Variants in NRXN3 observed in about 807,000 individuals in gnomAD.
The protein encoded by NRXN3 is neurexin 3.
NRXN3 carries 32 observed loss-of-function variants against 137.6 expected under a neutral mutation model. The ratio of observed to expected loss-of-function variants is 0.23; its 90% CI spans 0.18 to 0.31. The LOEUF (loss-of-function observed/expected upper bound fraction) is 0.31, where lower values mean the gene tolerates loss of function less well. Ranked by LOEUF, NRXN3 falls within the 10% of genes least tolerant of loss-of-function variation. The pLI is 1.00. For synonymous variants in NRXN3, 798 were observed against 784.5 expected (o/e 1.02, Z -0.29); for missense variants, 1,574 against 2,062.5 (o/e 0.76, Z 4.59).
chr14:79,220,499 T>G (rs1190156899), intron 15 of NRXN3, among the ~76,000 whole-genome samples: 1 of 152,152 alleles, frequency 6.6e-6, no homozygotes, highest in Admixed American at 6.6e-5. Flanking sequence ...GGATTCACTC[T>G]TGGTGTTGTA....
In NRXN3 at chr14:78,689,363, T is replaced by C. The variant is rs1252029537; in HGVS notation, c.1222-19854T>C. Among the ~76,000 whole-genome samples the C allele has an allele frequency of 2.6e-5, 4 of 152,300 alleles. No individual in the cohort carries two copies. In the East Asian group the frequency reaches 5.8e-4, roughly 22 times the overall value. On this transcript the variant is annotated intron_variant, in intron 6 of 20. Coordinates refer to ENST00000335750, the MANE Select transcript of NRXN3 (RefSeq NM_001330195.2). Reference sequence around the variant, plus strand: ...TTCAGAGCTATTTTTCATAATTTGGTTAGAACTACTGAGGGGCATTCATTT... The same window carrying C: ...TTCAGAGCTATTTTTCATAATTTGGCTAGAACTACTGAGGGGCATTCATTT...
intron 20 of NRXN3, among the ~76,000 whole-genome samples, chr14:79,824,339 T>C (rs1009174199): frequency 1.3e-5 from 2 of 152,216 alleles, no homozygotes; most frequent in African/African-American, 4.8e-5. Flanking sequence ...AACATTTGAT[T>C]ACCTTTAATC....
intron 15 of NRXN3, among the ~76,000 whole-genome samples, chr14:79,253,640 A>G (rs888768168): frequency 4.6e-5 from 7 of 152,370 alleles, no homozygotes; most frequent in Admixed American, 3.9e-4. Context: ...ACTTACAATC[A>G]TGATGGAAGG....
At chr14:78,205,277 C>G (rs1375009329) in intron 1 of NRXN3, among the ~76,000 whole-genome samples, 2 of 152,216 alleles carry the variant, frequency 1.3e-5, no homozygotes, top group African/African-American at 4.8e-5. Context: ...ATCCCTTTAC[C>G]TACTGATGAG....
Position 78,645,406 on chromosome 14 carries a change from A to T in NRXN3, c.1044A>T (p.Thr348=). 6.3e-7 allele frequency: 1 copy of T among 1,588,472 alleles called. No individual in the cohort carries two copies. The highest frequency in any genetic ancestry group is 8.5e-7 in the Non-Finnish European group (1 of 1,172,394). ...ACGCCTGGCATGATGTCAAAGTGAC[A>T]CGCAACCTCCGGCAGGTAATGGCTG... ...NDNAWHDVKV[T]RNLRQVTISV... is the part of the protein sequence containing the mutation. The change falls in exon 5 of 21, where the codon ACA becomes ACT. Residue 348 remains threonine, a synonymous_variant. Transcript: ENST00000335750.
In NRXN3 at chr14:78,739,060, C is replaced by T. The variant is rs1400263916; in HGVS notation, c.2044+23921C>T. Among the ~76,000 whole-genome samples the T allele has an allele frequency of 2.4e-4, 37 of 152,202 alleles. 1 individual carries two copies. The highest frequency in any genetic ancestry group is 2.3e-3 in the Admixed American group (35 of 15,280). ...TGAACGCCAAGCCTCCACTCTCTTC[C>T]CCAGATCCTATTCTCCGTCATAAGT... On this transcript the variant is annotated intron_variant, in intron 8 of 20. Transcript: ENST00000335750.
chr14:79,594,139 C>A (rs1397519951), intron 16 of NRXN3, among the ~76,000 whole-genome samples: 2 of 152,160 alleles, frequency 1.3e-5, no homozygotes, highest in African/African-American at 4.8e-5. Flanking sequence ...TGTATTCGTA[C>A]CAGTTTTGTT....
chr14:79,141,562 T>C (rs2058787988), intron 15 of NRXN3, among the ~76,000 whole-genome samples: 1 of 152,206 alleles, frequency 6.6e-6, no homozygotes, highest in South Asian at 2.1e-4. Context: ...CTGACTTCTC[T>C]TTGGCTCAGG....
chr14:79,014,160 G>C (rs1026437739), intron 15 of NRXN3, among the ~76,000 whole-genome samples: 2 of 152,088 alleles, frequency 1.3e-5, no homozygotes, highest in African/African-American at 4.8e-5. Flanking sequence ...TTCTTACTTA[G>C]GTAAATTGCG....
chr14:78,851,669 G>A (rs1434789053), intron 10 of NRXN3, among the ~76,000 whole-genome samples: 3 of 152,176 alleles, frequency 2.0e-5, no homozygotes, highest in Non-Finnish European at 4.4e-5. Context: ...TCTGAATCAA[G>A]CTGGGGAGGC....
chr14:78,991,789 T>C (rs990575860), intron 15 of NRXN3, among the ~76,000 whole-genome samples: 1 of 152,222 alleles, frequency 6.6e-6, no homozygotes, highest in Non-Finnish European at 1.5e-5. Context: ...TTACCAAATA[T>C]GATTGCCTGA....
chr14:79,315,864 A>G (rs182218804), intron 15 of NRXN3, among the ~76,000 whole-genome samples: 1 of 152,336 alleles, frequency 6.6e-6, no homozygotes, highest in East Asian at 1.9e-4. Flanking sequence ...ACAAAGCTTT[A>G]TTTCTTAATA....
At chr14:78,827,289 A>G (rs1310641632) in intron 10 of NRXN3, among the ~76,000 whole-genome samples, 1 of 151,540 alleles carries the variant, frequency 6.6e-6, no homozygotes, top group Non-Finnish European at 1.5e-5. Flanking sequence ...AAAAAAATAC[A>G]AAAGAACATT....
intron 15 of NRXN3, among the ~76,000 whole-genome samples, chr14:79,212,867 CTTT>C (rs200773063): frequency 7.0e-6 from 1 of 143,226 alleles, no homozygotes; most frequent in Non-Finnish European, 1.5e-5. Flanking sequence ...CCTTGGAATG[CTTT>C]TTTTTTTTTA....
rs138753714 is a variant in NRXN3, at chr14:79,422,329, G to A, written c.3263-44892G>A. Among the ~76,000 whole-genome samples, 1,269 of 152,146 alleles carry A rather than the reference G, an allele frequency of 8.3e-3. 12 individuals carry two copies. The highest frequency in any genetic ancestry group is 0.029 in the African/African-American group (1,196 of 41,532). On this transcript the variant is annotated intron_variant, in intron 15 of 20. Coordinates refer to ENST00000335750, the MANE Select transcript of NRXN3 (RefSeq NM_001330195.2). ...TCCTCCCTCCTCAGCCTCCCAAAGT[G>A]TAGGATTACAGGCATGAGCCACCAG...
chr14:79,466,877 A>G (rs1243533239), intron 15 of NRXN3, among the ~76,000 whole-genome samples: 1 of 152,182 alleles, frequency 6.6e-6, no homozygotes, highest in African/African-American at 2.4e-5. Flanking sequence ...TGCAAAATTA[A>G]GCCTACTGTT....
chr14:79,125,241 T>C lies in NRXN3; in HGVS notation c.3262+137100T>C, dbSNP rs570960006. ...CCACTATAACTGATCCCTGTCACGT[T>C]CTATCATAATGTCCTTTTGCCATTT... On this transcript the variant is annotated intron_variant, in intron 15 of 20. Coordinates refer to ENST00000335750, the MANE Select transcript of NRXN3 (RefSeq NM_001330195.2). Among the ~76,000 whole-genome samples, 9 of 152,326 alleles carry C rather than the reference T, an allele frequency of 5.9e-5. No individual in the cohort carries two copies. In the South Asian group the frequency reaches 1.9e-3, roughly 32 times the overall value.
chr14:79,593,605 T>C (rs532776694), intron 16 of NRXN3, among the ~76,000 whole-genome samples: 1 of 126,734 alleles, frequency 7.9e-6, no homozygotes, highest in South Asian at 2.5e-4. Context: ...CACTCCAGCC[T>C]GCACTACGGA....
chr14:79,300,140 G>A (rs114551305), intron 15 of NRXN3, among the ~76,000 whole-genome samples: 31 of 152,134 alleles, frequency 2.0e-4, no homozygotes, highest in African/African-American at 7.2e-4. Flanking sequence ...TGATCCCCCA[G>A]CAGGTGGATT....
Sources: gnomAD v4.1 joint callset for allele counts (sites outside exome capture counted in the v4.1 genomes callset) on GRCh38, gnomAD v4.1.1 for gene constraint, MANE v1.5 for transcripts, NCBI Gene and HGNC (gene_info 2026-07-23, HGNC 2026-07-21) for gene names.